The following PDE4B variants were observed in gnomAD, a reference collection of about 807,000 sequenced individuals.
PDE4B encodes the protein phosphodiesterase 4B.
In PDE4B, 20 loss-of-function variants were observed where a neutral mutation model predicts 82.2. That is an observed-to-expected ratio of 0.24 (90% confidence interval 0.17 to 0.35). The LOEUF (loss-of-function observed/expected upper bound fraction) is 0.35. Ranked by LOEUF, PDE4B falls within the 10% of genes least tolerant of loss-of-function variation. PDE4B has a pLI of 1.00. For synonymous variants in PDE4B, 320 were observed against 318.9 expected (o/e 1.00, Z -0.04); for missense variants, 655 against 907.2 (o/e 0.72, Z 3.57).
chr1:65,897,164 C>A (rs374190985), intron 1 of PDE4B, among the ~76,000 whole-genome samples: 1 of 152,064 alleles, frequency 6.6e-6, no homozygotes, highest in Admixed American at 6.6e-5. Context: ...GTTTCAGAAG[C>A]GTCAAATAAA....
chr1:65,878,301 A>G (rs973019597), intron 1 of PDE4B, among the ~76,000 whole-genome samples: 10 of 152,210 alleles, frequency 6.6e-5, no homozygotes, highest in Admixed American at 1.3e-4. Context: ...AATTAGTTCA[A>G]CCATTATGGA....
chr1:66,079,400 G>T (rs1656608972), intron 3 of PDE4B, among the ~76,000 whole-genome samples: 1 of 152,060 alleles, frequency 6.6e-6, no homozygotes, highest in Non-Finnish European at 1.5e-5. Flanking sequence ...CTGTCATTTT[G>T]TATATCTGGC....
rs1261032964 is a variant in PDE4B at position 65,908,991 on chromosome 1, C to T, written c.-70-4254C>T. Among the ~76,000 whole-genome samples the T allele has an allele frequency of 4.6e-5, 7 of 152,282 alleles. No individual in the cohort carries two copies. In the South Asian group the frequency reaches 8.3e-4, roughly 18 times the overall value. On this transcript the variant is annotated intron_variant, in intron 1 of 16. Transcript: ENST00000341517. Reference sequence around the variant, plus strand: ...AGGAAGAATAAAAGAGTAGTACATTCTTTCTTCCCACTCCAAGTCCCAGAC... The same window carrying T: ...AGGAAGAATAAAAGAGTAGTACATTTTTTCTTCCCACTCCAAGTCCCAGAC...
At chr1:65,969,133 G>A (rs563835733) in intron 3 of PDE4B, among the ~76,000 whole-genome samples, 1 of 152,112 alleles carries the variant, frequency 6.6e-6, no homozygotes, top group Non-Finnish European at 1.5e-5. Flanking sequence ...ACTCTCAGAG[G>A]TTTAAAACAC....
intron 1 of PDE4B, among the ~76,000 whole-genome samples, chr1:65,853,261 C>T (rs569466316): frequency 2.0e-4 from 30 of 151,938 alleles, no homozygotes; most frequent in Admixed American, 1.6e-3. Context: ...GTATCTATAA[C>T]TTTACATTTT....
At chr1:66,138,629 C>T (rs1245955430) in intron 3 of PDE4B, among the ~76,000 whole-genome samples, 1 of 152,190 alleles carries the variant, frequency 6.6e-6, no homozygotes, top group Non-Finnish European at 1.5e-5. Flanking sequence ...ACTAGATTGT[C>T]TGACAGGTAG....
chr1:65,912,952 T>TA (rs1316786782), intron 1 of PDE4B, among the ~76,000 whole-genome samples: 3 of 152,214 alleles, frequency 2.0e-5, no homozygotes, highest in Non-Finnish European at 4.4e-5. Flanking sequence ...AACATTTGTG[T>TA]AAAATGCATG....
At chr1:66,229,386 A>G (rs1172169853) in intron 3 of PDE4B, among the ~76,000 whole-genome samples, 2 of 152,230 alleles carry the variant, frequency 1.3e-5, no homozygotes, top group South Asian at 2.1e-4. Context: ...AGAGCAGGAC[A>G]TAAAGATTGT....
intron 2 of PDE4B, among the ~76,000 whole-genome samples, chr1:65,914,027 A>C (rs760381870): frequency 6.6e-6 from 1 of 152,166 alleles, no homozygotes; most frequent in Non-Finnish European, 1.5e-5. Context: ...CTTTGCTTTC[A>C]ATTGACCAAT....
At chr1:66,019,356 CT>C (rs4071540) in intron 3 of PDE4B, among the ~76,000 whole-genome samples, 2,685 of 124,686 alleles carry the variant, frequency 0.022, 61 homozygotes, top group African/African-American at 0.075. Context: ...TATTGTTATT[CT>C]TTTTTTTTTT....
intron 3 of PDE4B, among the ~76,000 whole-genome samples, chr1:65,995,667 T>C (rs1365573667): frequency 2.0e-5 from 3 of 152,214 alleles, no homozygotes; most frequent in African/African-American, 7.2e-5. Context: ...ATAAGTACTT[T>C]ATTTTTGCCT....
chr1:66,183,469 C>G (rs533507047), intron 3 of PDE4B, among the ~76,000 whole-genome samples: 122 of 152,260 alleles, frequency 8.0e-4, no homozygotes, highest in African/African-American at 2.8e-3. Flanking sequence ...CTTTTCCCCT[C>G]CCCTCATTTA....
intron 7 of PDE4B, among the ~76,000 whole-genome samples, chr1:66,280,070 T>A (rs2101777140): frequency 6.6e-6 from 1 of 152,340 alleles, no homozygotes; most frequent in South Asian, 2.1e-4. Context: ...TAGACTGGAA[T>A]TATGCCTAGC....
At chr1:66,088,955 T>C (rs958687466) in intron 3 of PDE4B, among the ~76,000 whole-genome samples, 6 of 152,098 alleles carry the variant, frequency 3.9e-5, no homozygotes, top group African/African-American at 1.4e-4. Flanking sequence ...GAAGTGACTG[T>C]ATTGAGCAGA....
chr1:65,898,553 T>C (rs35340779), intron 1 of PDE4B, among the ~76,000 whole-genome samples: 9,740 of 152,226 alleles, frequency 0.064, 395 homozygotes, highest in Non-Finnish European at 0.095. Context: ...CCACATTACC[T>C]GATTTCAAAC....
chr1:65,990,400 T>A (rs1273679644), intron 3 of PDE4B, among the ~76,000 whole-genome samples: 4 of 152,206 alleles, frequency 2.6e-5, no homozygotes, highest in Admixed American at 2.0e-4. Context: ...ATGAGAAGTA[T>A]CTTTTGTAAC....
rs185132105 is a variant in PDE4B at position 65,869,211 on chromosome 1, A to G, written c.-70-44034A>G. Among the ~76,000 whole-genome samples, 88 of 152,366 alleles carry G rather than the reference A, an allele frequency of 5.8e-4. 1 individual carries two copies. Among genetic ancestry groups the G allele is most frequent in the Non-Finnish European group, 7.5e-4 (51 of 68,036 alleles). ...TTCAGATACAATCTATCCCATTTAC[A>G]TTAGTTCACATCTCAAATATGTTAT... On this transcript the variant is annotated intron_variant, in intron 1 of 16. Coordinates refer to ENST00000341517, the MANE Select transcript of PDE4B (RefSeq NM_002600.4).
chr1:65,813,893 CAAA>C (rs5774766), intron 1 of PDE4B, among the ~76,000 whole-genome samples: 118 of 103,364 alleles, frequency 1.1e-3, no homozygotes, highest in Middle Eastern at 5.1e-3. Flanking sequence ...GGCACTGCGG[CAAA>C]AAAAAAAAAA....
At chr1:65,983,951 A>G (rs1650822704) in intron 3 of PDE4B, among the ~76,000 whole-genome samples, 1 of 152,196 alleles carries the variant, frequency 6.6e-6, no homozygotes, top group Non-Finnish European at 1.5e-5. Flanking sequence ...TTGCAGGGCT[A>G]TATATGACCC....
Sources: gnomAD v4.1 joint callset for allele counts (sites outside exome capture counted in the v4.1 genomes callset) on GRCh38, gnomAD v4.1.1 for gene constraint, MANE v1.5 for transcripts, NCBI Gene and HGNC (gene_info 2026-07-23, HGNC 2026-07-21) for gene names.